Variants in TBCK observed in about 807,000 individuals in gnomAD.
TBCK encodes the protein TBC1 domain containing kinase, also known as TBC domain-containing protein kinase-like protein.
TBCK carries 99 observed loss-of-function variants against 113.4 expected under a neutral mutation model. That is an observed-to-expected ratio of 0.87 (90% CI 0.74 to 1.03). The LOEUF (loss-of-function observed/expected upper bound fraction) is 1.03. Among genes scored for constraint, TBCK ranks in the 50% least tolerant of loss-of-function variants. The pLI is 0.00. For synonymous variants in TBCK, 369 were observed against 370.8 expected (o/e 1.00, Z 0.05); for missense variants, 1,045 against 1,061.3 (o/e 0.98, Z 0.21).
chr4:106,185,149 A>G (rs1752870152), intron 22 of TBCK, among the ~76,000 whole-genome samples: 1 of 152,122 alleles, frequency 6.6e-6, no homozygotes, highest in African/African-American at 2.4e-5. Context: ...ATTTGCACAG[A>G]AGGATTAAAA....
At chr4:106,142,774 A>C (rs2149656494) in intron 23 of TBCK, among the ~76,000 whole-genome samples, 1 of 152,324 alleles carries the variant, frequency 6.6e-6, no homozygotes. Flanking sequence ...ATCTGTGCCC[A>C]TCACTCTTCA....
intron 20 of TBCK, among the ~76,000 whole-genome samples, chr4:106,208,659 T>C (rs945875174): frequency 2.6e-5 from 4 of 152,118 alleles, no homozygotes; most frequent in African/African-American, 9.6e-5. Flanking sequence ...AACCTTATTC[T>C]TGGACATGGG....
intron 3 of TBCK, among the ~76,000 whole-genome samples, chr4:106,283,386 G>C (rs890618181): frequency 6.6e-6 from 1 of 152,084 alleles, no homozygotes; most frequent in Admixed American, 6.6e-5. Context: ...TACTACTAGA[G>C]GGTTACAGTA....
intron 23 of TBCK, among the ~76,000 whole-genome samples, chr4:106,128,026 T>C (rs1414149972): frequency 6.6e-6 from 1 of 152,132 alleles, no homozygotes; most frequent in African/African-American, 2.4e-5. Context: ...AAACAGATTT[T>C]AAAACTCTAA....
intron 3 of TBCK, among the ~76,000 whole-genome samples, chr4:106,281,987 T>G (rs1185406471): frequency 6.6e-6 from 1 of 152,114 alleles, no homozygotes; most frequent in Non-Finnish European, 1.5e-5. Context: ...TGGCACTAAC[T>G]TTTCTGGAAA....
chr4:106,173,434 T>C (rs1375573773), intron 22 of TBCK, among the ~76,000 whole-genome samples: 1 of 152,184 alleles, frequency 6.6e-6, no homozygotes, highest in Non-Finnish European at 1.5e-5. Context: ...CAGTTTAGTT[T>C]CCAAAGGAAA....
intron 22 of TBCK, 22 bp downstream of exon 22, chr4:106,193,587 C>A: frequency 6.2e-7 from 1 of 1,609,422 alleles, no homozygotes; most frequent in East Asian, 2.2e-5. Context: ...CATTTAATGG[C>A]TCCATTTATT....
At chr4:106,085,509 T>A (rs1407067645) in intron 25 of TBCK, among the ~76,000 whole-genome samples, 1 of 152,158 alleles carries the variant, frequency 6.6e-6, no homozygotes, top group African/African-American at 2.4e-5. Context: ...TCTGACACGA[T>A]AACAGTGGGA....
intron 2 of TBCK, among the ~76,000 whole-genome samples, chr4:106,301,423 T>C (rs925491316): frequency 2.0e-5 from 3 of 152,128 alleles, no homozygotes; most frequent in Admixed American, 6.6e-5. Flanking sequence ...ACAGCTGAGA[T>C]TTCAAGCTCA....
At chr4:106,315,060 T>C (rs1768637533) in intron 1 of TBCK, among the ~76,000 whole-genome samples, 1 of 152,168 alleles carries the variant, frequency 6.6e-6, no homozygotes, top group African/African-American at 2.4e-5. Context: ...TAAATGGTTG[T>C]ACATAAAAAG....
At chr4:106,101,227 G>A (rs909585777) in intron 24 of TBCK, among the ~76,000 whole-genome samples, 3 of 152,108 alleles carry the variant, frequency 2.0e-5, no homozygotes, top group African/African-American at 7.2e-5. Context: ...GGTCATGGAT[G>A]GTTCTCACAG....
At chr4:106,178,769 G>A (rs1309850835) in intron 22 of TBCK, among the ~76,000 whole-genome samples, 2 of 151,750 alleles carry the variant, frequency 1.3e-5, no homozygotes, top group African/African-American at 4.8e-5. Context: ...TTGGTATTTA[G>A]AATGAGTTTG....
intron 2 of TBCK, among the ~76,000 whole-genome samples, chr4:106,300,308 A>G (rs1766804029): frequency 1.3e-5 from 2 of 152,314 alleles, no homozygotes; most frequent in African/African-American, 4.8e-5. Flanking sequence ...CAAAGTTAAC[A>G]CTAAGAAACT....
intron 16 of TBCK, 43 bp downstream of exon 16, chr4:106,233,545 T>C (rs774501895): frequency 6.6e-7 from 1 of 1,504,790 alleles, no homozygotes. Context: ...TTTAAATATT[T>C]GGCAGAATTA....
chr4:106,244,867 G>A (rs975099536), intron 10 of TBCK, 103 bp from the exon 11 acceptor site: 1 of 705,162 alleles, frequency 1.4e-6, no homozygotes, highest in Non-Finnish European at 2.2e-6. Flanking sequence ...AAACTCTGAA[G>A]AACAGACTTC....
intron 23 of TBCK, among the ~76,000 whole-genome samples, chr4:106,152,467 G>C (rs1377788582): frequency 1.3e-5 from 2 of 151,982 alleles, no homozygotes; most frequent in African/African-American, 4.8e-5. Context: ...TTTTCAATGT[G>C]TTGTTAAATT....
chr4:106,298,983 CCTA>C (rs1372877562), intron 2 of TBCK, among the ~76,000 whole-genome samples: 1 of 152,078 alleles, frequency 6.6e-6, no homozygotes, highest in East Asian at 1.9e-4. Context: ...AAAAGGGGGG[CCTA>C]CTGTGATATC....
In TBCK at chr4:106,254,510, C is replaced by T. The variant is rs181119373; in HGVS notation, c.456-2503G>A. 1.3e-3 allele frequency among the ~76,000 whole-genome samples: 196 copies of T among 152,278 alleles called. 2 individuals are homozygous for T. The highest frequency in any genetic ancestry group is 4.3e-3 in the African/African-American group (180 of 41,566). ...TGGTTTTGTCTTTTCTTTCTCTTTA[C>T]GGTATCTGTTTATGAATGAGAAGTT... On this transcript the variant is annotated intron_variant, in intron 5 of 25. Coordinates refer to ENST00000394708, the MANE Select transcript of TBCK (RefSeq NM_001163435.3).
At chr4:106,080,774 T>C (rs922287971) in intron 25 of TBCK, among the ~76,000 whole-genome samples, 1 of 152,028 alleles carries the variant, frequency 6.6e-6, no homozygotes, top group African/African-American at 2.4e-5. Flanking sequence ...AATCTATCCA[T>C]CTGACAAAGG....
Sources: gnomAD v4.1 joint callset for allele counts (sites outside exome capture counted in the v4.1 genomes callset) on GRCh38, gnomAD v4.1.1 for gene constraint, MANE v1.5 for transcripts, NCBI Gene and HGNC (gene_info 2026-07-23, HGNC 2026-07-21) for gene names.